HAPLN1: variants seen among roughly 807,000 people sequenced by gnomAD.
The protein encoded by HAPLN1 is hyaluronan and proteoglycan link protein 1.
HAPLN1 carries 13 observed loss-of-function variants against 36.5 expected under a neutral mutation model. That is an observed-to-expected ratio of 0.36 (90% confidence interval 0.23 to 0.57). The LOEUF is 0.57. Ranked by LOEUF, HAPLN1 falls within the 20% of genes least tolerant of loss-of-function variation. The probability of loss-of-function intolerance (pLI) is 0.83; values close to 1 mark genes in which losing one functional copy is unlikely to be tolerated. For synonymous variants in HAPLN1, 202 were observed against 169.8 expected, an observed-to-expected ratio of 1.19 and a Z score of -1.48; for missense variants, 407 against 439.7, an observed-to-expected ratio of 0.93 and a Z score of 0.66.
intron 2 of HAPLN1, among the ~76,000 whole-genome samples, chr5:83,657,040 G>T (rs1322866378): frequency 6.6e-6 from 1 of 151,510 alleles, no homozygotes; most frequent in Non-Finnish European, 1.5e-5. Flanking sequence ...AGAAATCTAG[G>T]TGATAGAAAA....
At chr5:83,716,082 C>T (rs982075714) in intron 1 of HAPLN1, among the ~76,000 whole-genome samples, 1 of 151,914 alleles carries the variant, frequency 6.6e-6, no homozygotes, top group Non-Finnish European at 1.5e-5. Context: ...TGAGGTGATC[C>T]TCCAAATTCA....
chr5:83,664,935 A>G (rs1447659516), intron 2 of HAPLN1, among the ~76,000 whole-genome samples: 1 of 152,198 alleles, frequency 6.6e-6, no homozygotes, highest in Non-Finnish European at 1.5e-5. Context: ...TCAGCTTTTT[A>G]GTACTTTGGT....
chr5:83,659,701 T>C (rs895061496), intron 2 of HAPLN1, among the ~76,000 whole-genome samples: 8 of 152,176 alleles, frequency 5.3e-5, no homozygotes, highest in African/African-American at 1.9e-4. Context: ...ATTATTATAA[T>C]TGAAGGATTA....
chr5:83,668,774 C>T (rs911962171), intron 2 of HAPLN1, among the ~76,000 whole-genome samples: 6 of 152,138 alleles, frequency 3.9e-5, no homozygotes, highest in Non-Finnish European at 8.8e-5. Context: ...AGTTACAAAG[C>T]TGAGAGACAA....
intron 1 of HAPLN1, among the ~76,000 whole-genome samples, chr5:83,710,679 G>A (rs527482412): frequency 2.2e-4 from 34 of 152,280 alleles, no homozygotes; most frequent in South Asian, 4.1e-4. Flanking sequence ...GGCTGAGGGC[G>A]GTGCCTCATG....
At chr5:83,655,594 G>A (rs1304987416) in intron 2 of HAPLN1, among the ~76,000 whole-genome samples, 1 of 151,922 alleles carries the variant, frequency 6.6e-6, no homozygotes, top group Non-Finnish European at 1.5e-5. Flanking sequence ...AAGAACCCTA[G>A]CAAAGGTATG....
At chr5:83,683,164 G>A (rs1751045790) in intron 1 of HAPLN1, among the ~76,000 whole-genome samples, 1 of 152,112 alleles carries the variant, frequency 6.6e-6, no homozygotes, top group Non-Finnish European at 1.5e-5. Context: ...GAGGGAAGCT[G>A]GGTATAAAAA....
chr5:83,663,543 T>C (rs751731865), intron 2 of HAPLN1, among the ~76,000 whole-genome samples: 14 of 152,290 alleles, frequency 9.2e-5, no homozygotes, highest in Non-Finnish European at 1.8e-4. Context: ...TTCCAAAACA[T>C]TCTTGCATTA....
chr5:83,685,493 T>A (rs547563528), intron 1 of HAPLN1, among the ~76,000 whole-genome samples: 1 of 152,296 alleles, frequency 6.6e-6, no homozygotes, highest in South Asian at 2.1e-4. Context: ...ATTGAATAAA[T>A]CATCACATTT....
intron 3 of HAPLN1, 119 bp downstream of exon 3, chr5:83,652,334 G>A (rs1750088975): frequency 1.0e-6 from 1 of 970,706 alleles, no homozygotes; most frequent in Non-Finnish European, 1.5e-6. Flanking sequence ...TAAGATGCCA[G>A]GCAAGGACTT....
chr5:83,706,734 A>T (rs922947629), intron 1 of HAPLN1, among the ~76,000 whole-genome samples: 1 of 152,198 alleles, frequency 6.6e-6, no homozygotes, highest in African/African-American at 2.4e-5. Context: ...TAGCCACAGC[A>T]ATCAGGCAAG....
At chr5:83,698,973 A>G (rs1054690430) in intron 1 of HAPLN1, among the ~76,000 whole-genome samples, 1 of 152,228 alleles carries the variant, frequency 6.6e-6, no homozygotes, top group Non-Finnish European at 1.5e-5. Context: ...GAAGTATAAT[A>G]TTTTTAGCAG....
At chr5:83,659,785 A>G (rs923591755) in intron 2 of HAPLN1, among the ~76,000 whole-genome samples, 19 of 152,280 alleles carry the variant, frequency 1.2e-4, no homozygotes, top group Admixed American at 1.3e-4. Context: ...CACGAAATAC[A>G]TGGTATCACA....
intron 2 of HAPLN1, among the ~76,000 whole-genome samples, chr5:83,666,560 T>C (rs1210219163): frequency 6.6e-6 from 1 of 152,182 alleles, no homozygotes; most frequent in African/African-American, 2.4e-5. Context: ...GTTTTAATAG[T>C]TCACAGAATA....
chr5:83,665,070 A>G (rs1189151598), intron 2 of HAPLN1, among the ~76,000 whole-genome samples: 2 of 152,146 alleles, frequency 1.3e-5, no homozygotes, highest in East Asian at 1.9e-4. Flanking sequence ...AATTGACAAC[A>G]TTTTTCAAGA....
chr5:83,702,548 C>A (rs1373156943), intron 1 of HAPLN1, among the ~76,000 whole-genome samples: 1 of 152,108 alleles, frequency 6.6e-6, no homozygotes, highest in African/African-American at 2.4e-5. Flanking sequence ...AGGGTTTGGT[C>A]TCTCAGAGAA....
At chr5:83,710,271 A>G (rs958811226) in intron 1 of HAPLN1, among the ~76,000 whole-genome samples, 7 of 152,194 alleles carry the variant, frequency 4.6e-5, no homozygotes, top group Non-Finnish European at 8.8e-5. Flanking sequence ...AGGCCGGTAG[A>G]CTTCTCTTTA....
At chr5:83,658,658 A>T (rs1229785872) in intron 2 of HAPLN1, among the ~76,000 whole-genome samples, 1 of 152,152 alleles carries the variant, frequency 6.6e-6, no homozygotes, top group East Asian at 1.9e-4. Context: ...TTAAGACTGG[A>T]AGAAATCTAA....
intron 2 of HAPLN1, among the ~76,000 whole-genome samples, chr5:83,655,778 T>C (rs978388916): frequency 6.6e-6 from 1 of 152,130 alleles, no homozygotes; most frequent in African/African-American, 2.4e-5. Flanking sequence ...GCCTTAGCTG[T>C]TGGACTCTGC....
Sources: allele counts gnomAD v4.1 joint callset (sites outside exome capture counted in the v4.1 genomes callset), GRCh38; gene constraint gnomAD v4.1.1; transcripts MANE v1.5; gene names NCBI Gene and HGNC (gene_info 2026-07-23, HGNC 2026-07-21).